DIAPH2: variants seen among roughly 807,000 people sequenced by gnomAD.
DIAPH2 encodes the protein diaphanous related formin 2.
DIAPH2 carries 35 observed loss-of-function variants against 92.7 expected under a neutral mutation model. The observed-to-expected ratio is 0.38, with a 90% CI of 0.29 to 0.50. The LOEUF (loss-of-function observed/expected upper bound fraction) is 0.50. DIAPH2 is among the 20% of genes least tolerant of loss of function. DIAPH2 has a pLI of 0.94. For missense variants in DIAPH2, 701 were observed against 819.5 expected (o/e 0.86, Z 1.77); for synonymous variants, 301 against 280.4 (o/e 1.07, Z -0.73).
At chrX:97,425,082 A>G (rs1319772812) in intron 25 of DIAPH2, among the ~76,000 whole-genome samples, 4 of 112,337 alleles carry the variant, frequency 3.6e-5, no homozygotes, top group Non-Finnish European at 7.5e-5. Flanking sequence ...TCAGTAATTT[A>G]CATATATTTA....
chrX:96,835,348 G>A (rs1358412262), intron 4 of DIAPH2, among the ~76,000 whole-genome samples: 1 of 112,057 alleles, frequency 8.9e-6, no homozygotes, highest in African/African-American at 3.2e-5. Flanking sequence ...AATTCTCACA[G>A]TGCCTCCTTC....
intron 22 of DIAPH2, among the ~76,000 whole-genome samples, chrX:97,179,536 G>T (rs756252659): frequency 9.0e-6 from 1 of 111,227 alleles, no homozygotes; most frequent in East Asian, 2.8e-4. Context: ...CAAAGGACAT[G>T]ACCTCATTTC....
At chrX:97,004,760 C>T (rs1305312394) in intron 17 of DIAPH2, among the ~76,000 whole-genome samples, 4 of 111,896 alleles carry the variant, frequency 3.6e-5, no homozygotes, top group Non-Finnish European at 5.6e-5. Flanking sequence ...GCTAATTTGA[C>T]TTCTTCCTTT....
At chrX:97,365,701 T>G (rs1161415568) in intron 24 of DIAPH2, among the ~76,000 whole-genome samples, 2 of 108,730 alleles carry the variant, frequency 1.8e-5, no homozygotes, top group Non-Finnish European at 3.8e-5. Flanking sequence ...TTCATTTTTT[T>G]TTTGTTTGTT....
At chrX:97,471,238 G>A (rs1490362379) in intron 26 of DIAPH2, among the ~76,000 whole-genome samples, 1 of 111,133 alleles carries the variant, frequency 9.0e-6, no homozygotes, top group Non-Finnish European at 1.9e-5. Flanking sequence ...TGGTTGTTAA[G>A]TCACACTACC....
intron 26 of DIAPH2, among the ~76,000 whole-genome samples, chrX:97,530,028 C>G (rs2071049457): frequency 8.9e-6 from 1 of 112,022 alleles, no homozygotes; most frequent in East Asian, 2.8e-4. Flanking sequence ...AGGCATATTT[C>G]CTTTTGGGGC....
At chrX:97,038,222 T>TACAC (rs766723721) in intron 17 of DIAPH2, among the ~76,000 whole-genome samples, 2 of 110,701 alleles carry the variant, frequency 1.8e-5, no homozygotes, top group Non-Finnish European at 3.8e-5. Flanking sequence ...GTATTCCATA[T>TACAC]ACACACACAC....
At chrX:97,144,482 A>G (rs892532267) in intron 22 of DIAPH2, among the ~76,000 whole-genome samples, 6 of 111,080 alleles carry the variant, frequency 5.4e-5, no homozygotes, top group Non-Finnish European at 7.5e-5. Context: ...AAGGTGGTAG[A>G]TACGCTAAAC....
intron 8 of DIAPH2, among the ~76,000 whole-genome samples, chrX:96,917,837 CTT>C (rs1373205449): frequency 9.0e-6 from 1 of 110,770 alleles, no homozygotes; most frequent in East Asian, 2.8e-4. Context: ...AATAATCACT[CTT>C]TCCAGAACTT....
intron 23 of DIAPH2, among the ~76,000 whole-genome samples, chrX:97,252,957 C>T (rs2068201284): frequency 9.0e-6 from 1 of 111,044 alleles, no homozygotes; most frequent in South Asian, 3.8e-4. Flanking sequence ...GTCAGTAATA[C>T]AGATAATGCA....
At chrX:97,145,699 A>G (rs1456565525) in intron 22 of DIAPH2, among the ~76,000 whole-genome samples, 3 of 109,971 alleles carry the variant, frequency 2.7e-5, no homozygotes, top group African/African-American at 9.9e-5. Flanking sequence ...ATCAATCCCT[A>G]CTCTCAAATT....
At chrX:96,809,934 TG>T (rs1365714628) in intron 4 of DIAPH2, among the ~76,000 whole-genome samples, 2 of 112,381 alleles carry the variant, frequency 1.8e-5, no homozygotes, top group Admixed American at 9.4e-5. Context: ...ACATTTGGGT[TG>T]GTTCCAAGTC....
At chrX:96,850,968 A>G (rs1308794307) in intron 4 of DIAPH2, among the ~76,000 whole-genome samples, 1 of 112,124 alleles carries the variant, frequency 8.9e-6, no homozygotes, top group Non-Finnish European at 1.9e-5. Context: ...CCTAGATCTT[A>G]TCTTTTTCCC....
At chrX:97,327,560 G>A (rs1263719920) in intron 23 of DIAPH2, among the ~76,000 whole-genome samples, 2 of 111,635 alleles carry the variant, frequency 1.8e-5, no homozygotes, top group African/African-American at 6.5e-5. Context: ...AGCCTCCTGA[G>A]TAGCTGGAAT....
intron 26 of DIAPH2, among the ~76,000 whole-genome samples, chrX:97,598,146 G>T (rs58604560): frequency 3.6e-3 from 397 of 111,494 alleles, no homozygotes; most frequent in East Asian, 0.015. Flanking sequence ...GTGTTAGTTG[G>T]GCGTCATCAT....
At chrX:96,918,762 A>G (rs1436585120) in intron 9 of DIAPH2, 145 bp downstream of exon 9, 3 of 425,775 alleles carry the variant, frequency 7.0e-6, no homozygotes, top group East Asian at 4.4e-5. Context: ...GAGAATTGCA[A>G]TTTGTTTAAA....
intron 26 of DIAPH2, among the ~76,000 whole-genome samples, chrX:97,488,218 C>G (rs1250075676): frequency 8.9e-6 from 1 of 111,836 alleles, no homozygotes. Flanking sequence ...GTCTTGAACT[C>G]CCAACCTCAG....
chrX:97,487,851 C>T (rs1187560035), intron 26 of DIAPH2, among the ~76,000 whole-genome samples: 1 of 111,510 alleles, frequency 9.0e-6, no homozygotes, highest in African/African-American at 3.3e-5. Context: ...TTTTGATTTG[C>T]ATTTCCTTGA....
intron 26 of DIAPH2, among the ~76,000 whole-genome samples, chrX:97,594,780 G>A (rs760454151): frequency 8.9e-6 from 1 of 112,079 alleles, no homozygotes; most frequent in South Asian, 3.7e-4. Context: ...CATAGACTTC[G>A]TTTATGTTAT....
Sources: gnomAD v4.1 joint callset for allele counts (sites outside exome capture counted in the v4.1 genomes callset) on GRCh38, gnomAD v4.1.1 for gene constraint, MANE v1.5 for transcripts, NCBI Gene and HGNC (gene_info 2026-07-23, HGNC 2026-07-21) for gene names.